The following PITPNB variants were observed in gnomAD, a reference collection of about 807,000 sequenced individuals.
The protein encoded by PITPNB is phosphatidylinositol transfer protein beta isoform.
A neutral mutation model predicts 45.9 loss-of-function variants in PITPNB; 16 were observed. The observed-to-expected ratio is 0.35, with a 90% CI of 0.24 to 0.53. The LOEUF is 0.53. Ranked by LOEUF, PITPNB falls within the 20% of genes least tolerant of loss-of-function variation. The pLI is 0.93. For missense variants in PITPNB, 188 were observed against 330.5 expected (o/e 0.57, Z 3.34); for synonymous variants, 112 against 108.9 (o/e 1.03, Z -0.18).
chr22:27,908,519 C>T (rs1935828289), intron 3 of PITPNB, among the ~76,000 whole-genome samples: 1 of 151,810 alleles, frequency 6.6e-6, no homozygotes, highest in Non-Finnish European at 1.5e-5. Context: ...GTGATCTAAA[C>T]AGAACATCAG....
intron 7 of PITPNB, among the ~76,000 whole-genome samples, chr22:27,887,135 C>A (rs905509513): frequency 6.6e-6 from 1 of 152,198 alleles, no homozygotes; most frequent in Non-Finnish European, 1.5e-5. Flanking sequence ...AGTGATTTAC[C>A]TGACTTCTGG....
chr22:27,856,077 C>T (rs1298452494), intron 10 of PITPNB, among the ~76,000 whole-genome samples: 2 of 152,140 alleles, frequency 1.3e-5, no homozygotes. Context: ...TCCCCAATGA[C>T]CTACAGCAAA....
chr22:27,904,967 A>G (rs540479077), intron 3 of PITPNB, among the ~76,000 whole-genome samples: 1 of 152,338 alleles, frequency 6.6e-6, no homozygotes, highest in African/African-American at 2.4e-5. Flanking sequence ...ATCAAGAGGA[A>G]ACAATATATT....
chr22:27,902,343 G>A (rs972458487), intron 3 of PITPNB, among the ~76,000 whole-genome samples: 1 of 152,104 alleles, frequency 6.6e-6, no homozygotes, highest in South Asian at 2.1e-4. Flanking sequence ...CAAACATGGA[G>A]AGAGGGCAGA....
chr22:27,896,233 T>C (rs1187013250), intron 6 of PITPNB, among the ~76,000 whole-genome samples: 1 of 152,206 alleles, frequency 6.6e-6, no homozygotes, highest in Non-Finnish European at 1.5e-5. Flanking sequence ...CACTCAGATA[T>C]AAAAGCAATC....
chr22:27,906,940 T>A (rs1056562734), intron 3 of PITPNB, among the ~76,000 whole-genome samples: 1 of 152,144 alleles, frequency 6.6e-6, no homozygotes, highest in Admixed American at 6.5e-5. Context: ...CCAAGAAGTG[T>A]TTTGCTGAAA....
At chr22:27,875,383 T>C (rs1301472716) in intron 7 of PITPNB, among the ~76,000 whole-genome samples, 1 of 152,264 alleles carries the variant, frequency 6.6e-6, no homozygotes, top group Non-Finnish European at 1.5e-5. Context: ...ACTTCCTATG[T>C]CTGGGCAAAG....
chr22:27,854,258 T>C (rs979681729), intron 11 of PITPNB, among the ~76,000 whole-genome samples: 7 of 152,010 alleles, frequency 4.6e-5, no homozygotes, highest in Non-Finnish European at 8.8e-5. Context: ...TTTGCATCTC[T>C]GGGAAAATTT....
At chr22:27,919,041 G>A in intron 1 of PITPNB, 131 bp downstream of exon 1, 3 of 1,405,186 alleles carry the variant, frequency 2.1e-6, no homozygotes, top group Non-Finnish European at 3.0e-6. Flanking sequence ...GCCGGGGGAG[G>A]GAGGGGGCGC....
chr22:27,878,996 A>C (rs1934894048), intron 7 of PITPNB, among the ~76,000 whole-genome samples: 1 of 151,878 alleles, frequency 6.6e-6, no homozygotes, highest in South Asian at 2.1e-4. Flanking sequence ...TTGAGAACTG[A>C]GAAATGCAGT....
At chr22:27,870,305 T>C (rs1934617850) in intron 8 of PITPNB, among the ~76,000 whole-genome samples, 1 of 152,250 alleles carries the variant, frequency 6.6e-6, no homozygotes, top group Non-Finnish European at 1.5e-5. Context: ...AAAGTTTCTT[T>C]ACCCCTAGTC....
chr22:27,888,392 C>T (rs1569021216), intron 7 of PITPNB, among the ~76,000 whole-genome samples: 1 of 152,220 alleles, frequency 6.6e-6, no homozygotes, highest in Non-Finnish European at 1.5e-5. Flanking sequence ...TGTAATTCTG[C>T]TAGACTAGCA....
chr22:27,898,811 T>C (rs1240788089), intron 3 of PITPNB, among the ~76,000 whole-genome samples: 2 of 152,176 alleles, frequency 1.3e-5, no homozygotes, highest in Non-Finnish European at 2.9e-5. Flanking sequence ...TGTGCAAGCA[T>C]ATGATAATCA....
chr22:27,895,976 A>T (rs901531403), intron 6 of PITPNB, among the ~76,000 whole-genome samples: 3 of 152,198 alleles, frequency 2.0e-5, no homozygotes, highest in Non-Finnish European at 4.4e-5. Context: ...TCCACGACAA[A>T]CCTTACCAAA....
chr22:27,867,666 T>A (rs1934524471), intron 8 of PITPNB, among the ~76,000 whole-genome samples: 1 of 152,182 alleles, frequency 6.6e-6, no homozygotes, highest in Non-Finnish European at 1.5e-5. Flanking sequence ...AACCCCAAGT[T>A]CACCTTCAAA....
At chr22:27,872,125 ACT>A (rs1934684222) in intron 8 of PITPNB, among the ~76,000 whole-genome samples, 1 of 112,514 alleles carries the variant, frequency 8.9e-6, no homozygotes, top group African/African-American at 3.6e-5. Flanking sequence ...ACGGAGTCTC[ACT>A]CTGTCGCCCA....
chr22:27,888,588 T>G (rs987259104), intron 7 of PITPNB, among the ~76,000 whole-genome samples: 1 of 152,216 alleles, frequency 6.6e-6, no homozygotes, highest in Non-Finnish European at 1.5e-5. Context: ...CCGATATTTA[T>G]GAAGGGCCTA....
chr22:27,905,660 G>A (rs1010721107), intron 3 of PITPNB, among the ~76,000 whole-genome samples: 3 of 152,220 alleles, frequency 2.0e-5, no homozygotes, highest in African/African-American at 4.8e-5. Context: ...CTTCTGTTTC[G>A]ACCTTTGGGA....
rs558216322 is a variant in PITPNB, at chr22:27,883,497, G to A, written c.457-9682C>T. ...TATACTAGAATGCAGCTTCTCAAAGGTGGGCATGCGCAGGAATGGCCTGGA... is the reference window on the plus strand; with the variant it reads ...TATACTAGAATGCAGCTTCTCAAAGATGGGCATGCGCAGGAATGGCCTGGA... On this transcript the variant is annotated intron_variant, in intron 7 of 11. Coordinates refer to ENST00000335272, the MANE Select transcript of PITPNB (RefSeq NM_012399.5). 2.0e-5 allele frequency among the ~76,000 whole-genome samples: 3 copies of A among 152,368 alleles called. No homozygotes were observed. In the East Asian group the frequency reaches 5.8e-4, roughly 29 times the overall value.
Sources: gnomAD v4.1 joint callset for allele counts (sites outside exome capture counted in the v4.1 genomes callset) on GRCh38, gnomAD v4.1.1 for gene constraint, MANE v1.5 for transcripts, NCBI Gene and HGNC (gene_info 2026-07-23, HGNC 2026-07-21) for gene names.